The following OOSP1 variants were observed in gnomAD, a reference collection of about 807,000 sequenced individuals.
OOSP1 encodes putative oocyte-secreted protein 1 homolog.
OOSP1 carries 11 observed loss-of-function variants against 5.7 expected under a neutral mutation model. That is an observed-to-expected ratio of 1.94 (90% confidence interval 1.22 to 3.20). OOSP1 has a LOEUF of 3.20. Among genes scored for constraint, OOSP1 ranks in the 30% most tolerant of loss-of-function variants. The pLI is 0.00. For missense variants in OOSP1, 83 were observed against 54.1 expected, an observed-to-expected ratio of 1.53 and a Z score of -1.67; for synonymous variants, 44 against 20.0, an observed-to-expected ratio of 2.20 and a Z score of -3.20.
intron 1 of OOSP1, among the ~76,000 whole-genome samples, chr11:59,941,410 AG>A (rs1487197325): frequency 6.6e-6 from 1 of 151,096 alleles, no homozygotes; most frequent in Non-Finnish European, 1.5e-5. Flanking sequence ...GACAGAGTCT[AG>A]CTTTGTCGCC....
chr11:59,945,914 G>C (rs561137435), intron 3 of OOSP1, among the ~76,000 whole-genome samples: 2 of 152,080 alleles, frequency 1.3e-5, no homozygotes, highest in Non-Finnish European at 2.9e-5. Context: ...AGAAGGCAAA[G>C]CTGGAGCAGG....
chr11:59,940,644 C>A (rs1216176185), intron 1 of OOSP1, among the ~76,000 whole-genome samples: 1 of 152,036 alleles, frequency 6.6e-6, no homozygotes, highest in Non-Finnish European at 1.5e-5. Context: ...AGTGTGGGGC[C>A]GTTACAAATA....
chr11:59,945,961 G>A (rs892412085), intron 3 of OOSP1, among the ~76,000 whole-genome samples: 1 of 151,958 alleles, frequency 6.6e-6, no homozygotes, highest in African/African-American at 2.4e-5. Context: ...AAGTGGTCGG[G>A]GGAGGTGCTG....
chr11:59,954,375 AT>A (rs888885110), intron 4 of OOSP1, among the ~76,000 whole-genome samples: 54 of 148,774 alleles, frequency 3.6e-4, no homozygotes, highest in Middle Eastern at 3.5e-3. Flanking sequence ...ATTCTAATAA[AT>A]TTTTTTTTTT....
chr11:59,942,100 T>G (rs149430300), intron 1 of OOSP1, among the ~76,000 whole-genome samples: 127 of 152,298 alleles, frequency 8.3e-4, no homozygotes, highest in African/African-American at 2.9e-3. Context: ...TCTAGTATCT[T>G]AAGAGCAACT....
chr11:59,954,050 G>A (rs1205345094), intron 4 of OOSP1, among the ~76,000 whole-genome samples: 2 of 152,150 alleles, frequency 1.3e-5, no homozygotes, highest in East Asian at 3.9e-4. Context: ...TTGCTTCTAG[G>A]ATACAAACCT....
At chr11:59,953,968 C>G (rs1419426544) in intron 4 of OOSP1, among the ~76,000 whole-genome samples, 1 of 152,092 alleles carries the variant, frequency 6.6e-6, no homozygotes. Context: ...ATTGTGCAAA[C>G]TTCATAGAGT....
rs1181658824 is a variant in OOSP1 at position 59,945,989 on chromosome 11, A to G, written c.356+723A>G. Reference sequence around the variant, plus strand: ...AGGTGCTGCACACTTTTAAAAAACCACATCTCCCGAGAACTGTATCATGAG... The same window carrying G: ...AGGTGCTGCACACTTTTAAAAAACCGCATCTCCCGAGAACTGTATCATGAG... On this transcript the variant is annotated intron_variant, in intron 3 of 4. Transcript: ENST00000646685. 2.0e-5 allele frequency among the ~76,000 whole-genome samples: 3 copies of G among 151,936 alleles called. No individual in the cohort carries two copies. In the South Asian group the frequency reaches 6.2e-4, roughly 32 times the overall value.
At chr11:59,942,146 G>A (rs1853834513) in intron 1 of OOSP1, among the ~76,000 whole-genome samples, 1 of 152,054 alleles carries the variant, frequency 6.6e-6, no homozygotes, top group African/African-American at 2.4e-5. Context: ...TAGAAGAATA[G>A]CCAAACTTAC....
At chr11:59,940,939 A>T (rs1304403101) in intron 1 of OOSP1, among the ~76,000 whole-genome samples, 1 of 152,218 alleles carries the variant, frequency 6.6e-6, no homozygotes, top group African/African-American at 2.4e-5. Flanking sequence ...CATCTTGCAG[A>T]AATATAATAC....
chr11:59,939,633 A>ACTCTTCCCTTTCTCTTC (rs1853804574), intron 1 of OOSP1, among the ~76,000 whole-genome samples: 1 of 105,156 alleles, frequency 9.5e-6, no homozygotes, highest in African/African-American at 3.6e-5. Context: ...CCTTTCTATT[A>ACTCTTCCCTTTCTCTTC]CTCTTCCCTT....
intron 1 of OOSP1, among the ~76,000 whole-genome samples, chr11:59,942,289 A>C (rs1199363044): frequency 1.3e-5 from 2 of 152,058 alleles, no homozygotes; most frequent in Admixed American, 6.5e-5. Context: ...TTCCAGAGTA[A>C]AAAAACTTAA....
intron 4 of OOSP1, chr11:59,948,743 A>G (rs1853911869): frequency 5.0e-6 from 2 of 398,140 alleles, no homozygotes; most frequent in Non-Finnish European, 8.9e-6. Flanking sequence ...TCAAATGAGT[A>G]CCTTTATTGC....
exon 3 of OOSP1, chr11:59,945,197 C>T: frequency 4.3e-6 from 3 of 702,938 alleles, no homozygotes; most frequent in Non-Finnish European, 7.8e-6. Context: ...CTGCTTAAAA[C>T]TAAAATCAGG....
intron 1 of OOSP1, among the ~76,000 whole-genome samples, chr11:59,939,853 C>T (rs534741747): frequency 6.6e-6 from 1 of 150,974 alleles, no homozygotes; most frequent in South Asian, 2.1e-4. Flanking sequence ...CTTTCTTTGT[C>T]ACTCAGGCTG....
At chr11:59,938,704 C>T (rs758789632) in intron 1 of OOSP1, among the ~76,000 whole-genome samples, 174 bp downstream of exon 1, 28 of 152,144 alleles carry the variant, frequency 1.8e-4, no homozygotes, top group African/African-American at 4.8e-4. Flanking sequence ...TCTTGCATAC[C>T]GGCACTGAGA....
At chr11:59,944,564 T>G (rs1301056563) in intron 2 of OOSP1, among the ~76,000 whole-genome samples, 2 of 152,122 alleles carry the variant, frequency 1.3e-5, no homozygotes, top group African/African-American at 4.8e-5. Context: ...GGGCCTTATA[T>G]TGAGAACCAT....
At chr11:59,951,243 TAA>T (rs36043574) in intron 4 of OOSP1, among the ~76,000 whole-genome samples, 1 of 142,614 alleles carries the variant, frequency 7.0e-6, no homozygotes, top group African/African-American at 2.6e-5. Context: ...ATCCTAAAAT[TAA>T]AAAAAAAAAA....
intron 2 of OOSP1, among the ~76,000 whole-genome samples, chr11:59,944,639 C>G (rs1466920598): frequency 6.6e-6 from 1 of 152,090 alleles, no homozygotes; most frequent in East Asian, 1.9e-4. Flanking sequence ...ACCCCACCCC[C>G]CTGAAAACAG....
Sources: gnomAD v4.1 joint callset for allele counts (sites outside exome capture counted in the v4.1 genomes callset) on GRCh38, gnomAD v4.1.1 for gene constraint, MANE v1.5 for transcripts, NCBI Gene and HGNC (gene_info 2026-07-23, HGNC 2026-07-21) for gene names.